The following WNK3 variants were observed in gnomAD, a reference collection of about 807,000 sequenced individuals.
The protein encoded by WNK3 is serine/threonine-protein kinase WNK3.
A neutral mutation model predicts 116.7 loss-of-function variants in WNK3; 18 were observed. The ratio of observed to expected loss-of-function variants is 0.15; its 90% CI spans 0.11 to 0.23. The LOEUF (loss-of-function observed/expected upper bound fraction) is 0.23, where lower values mean the gene tolerates loss of function less well. Among genes scored for constraint, WNK3 ranks in the 10% least tolerant of loss-of-function variants. The probability of loss-of-function intolerance (pLI) is 1.00; values close to 1 mark genes in which losing one functional copy is unlikely to be tolerated. For missense variants in WNK3, 993 were observed against 1,323.8 expected, an observed-to-expected ratio of 0.75 and a Z score of 3.88; for synonymous variants, 404 against 469.4, an observed-to-expected ratio of 0.86 and a Z score of 1.80.
chrX:54,326,178 C>T (rs1337515548), intron 2 of WNK3, among the ~76,000 whole-genome samples: 2 of 107,868 alleles, frequency 1.9e-5, no homozygotes, highest in African/African-American at 6.8e-5. Context: ...GTAAGCTCCG[C>T]CTCCTGGGTT....
chrX:54,326,703 T>C (rs2069109992), intron 2 of WNK3, among the ~76,000 whole-genome samples: 1 of 110,113 alleles, frequency 9.1e-6, no homozygotes, highest in Admixed American at 9.8e-5. Context: ...AAAGAAATTA[T>C]AGCCGGGTGC....
intron 6 of WNK3, among the ~76,000 whole-genome samples, chrX:54,301,157 C>T (rs369437214): frequency 4.8e-5 from 5 of 105,236 alleles, no homozygotes; most frequent in African/African-American, 7.0e-5. Context: ...GCAGGAGAAT[C>T]GCTGGAACCC....
At chrX:54,211,441 CAAAA>C (rs1216024608) in intron 22 of WNK3, among the ~76,000 whole-genome samples, 3 of 50,510 alleles carry the variant, frequency 5.9e-5, no homozygotes, top group African/African-American at 7.4e-5. Flanking sequence ...GACTCTGTCT[CAAAA>C]AAAAAAAAAA....
At chrX:54,250,912 TCGC>T (rs1557154002) in intron 15 of WNK3, among the ~76,000 whole-genome samples, 3 of 111,292 alleles carry the variant, frequency 2.7e-5, no homozygotes. Context: ...ACCCTAGTTT[TCGC>T]TTCTGGAAGT....
chrX:54,246,376 T>C (rs2146916402), intron 17 of WNK3, among the ~76,000 whole-genome samples: 1 of 109,401 alleles, frequency 9.1e-6, no homozygotes, highest in East Asian at 2.9e-4. Flanking sequence ...ACTGAAGACA[T>C]ATCTGAGAAC....
chrX:54,263,349 A>G (rs1265025076), intron 10 of WNK3, among the ~76,000 whole-genome samples: 2 of 112,097 alleles, frequency 1.8e-5, no homozygotes, highest in Non-Finnish European at 3.8e-5. Context: ...TTTGTTGAGT[A>G]CCTATTACAT....
chrX:54,321,342 C>T (rs966034998), intron 2 of WNK3, among the ~76,000 whole-genome samples: 3 of 111,726 alleles, frequency 2.7e-5, no homozygotes, highest in African/African-American at 9.7e-5. Flanking sequence ...ATCTGGCTTA[C>T]CCAAGGTACC....
intron 22 of WNK3, among the ~76,000 whole-genome samples, chrX:54,204,767 G>A (rs1037249087): frequency 1.8e-5 from 2 of 112,243 alleles, no homozygotes; most frequent in Non-Finnish European, 3.8e-5. Context: ...AATGTCAGCA[G>A]GTAGAATTAA....
chrX:54,353,849 C>T (rs1557178926), intron 1 of WNK3, among the ~76,000 whole-genome samples: 1 of 109,941 alleles, frequency 9.1e-6, no homozygotes. Flanking sequence ...TTTGGGAGGC[C>T]GAGGAAGGTG....
chrX:54,300,017 G>A (rs782495696), intron 6 of WNK3, among the ~76,000 whole-genome samples: 1 of 109,763 alleles, frequency 9.1e-6, no homozygotes, highest in Non-Finnish European at 1.9e-5. Context: ...CCACCACCAC[G>A]CCCAGCTAAT....
chrX:54,293,227 T>C lies in WNK3; in HGVS notation c.1794A>G (p.Gln598=), dbSNP rs1052659523. 5 of 1,209,322 alleles carry C rather than the reference T, an allele frequency of 4.1e-6. No individual in the cohort carries two copies. In the African/African-American group the frequency reaches 7.0e-5, roughly 17 times the overall value. Residue 598 remains glutamine, a synonymous_variant, in exon 9 of 24, where the codon CAA becomes CAG. Coordinates refer to ENST00000354646, the Ensembl canonical transcript of WNK3. ...CAGCCTGCGGGATATTAGAAACCATTTGAGAGCCCATCGTTTGATTTGAGG... is the reference window on the plus strand; with the variant it reads ...CAGCCTGCGGGATATTAGAAACCATCTGAGAGCCCATCGTTTGATTTGAGG...
intron 2 of WNK3, among the ~76,000 whole-genome samples, chrX:54,330,641 T>A (rs1365010284): frequency 9.0e-6 from 1 of 111,194 alleles, no homozygotes; most frequent in African/African-American, 3.3e-5. Context: ...ATAGTAGGCA[T>A]CTATTTTAAA....
At chrX:54,322,836 G>T (rs1235938657) in intron 2 of WNK3, among the ~76,000 whole-genome samples, 6 of 111,394 alleles carry the variant, frequency 5.4e-5, no homozygotes, top group Non-Finnish European at 1.1e-4. Context: ...TATGATACCT[G>T]CTATTACTAA....
chrX:54,337,098 C>G (rs1326042254), intron 1 of WNK3, among the ~76,000 whole-genome samples: 2 of 111,075 alleles, frequency 1.8e-5, no homozygotes, highest in African/African-American at 6.5e-5. Flanking sequence ...CCAGTATTCA[C>G]CGACGTTCCC....
At chrX:54,289,356 C>G (rs904225614) in intron 10 of WNK3, among the ~76,000 whole-genome samples, 1 of 110,547 alleles carries the variant, frequency 9.0e-6, no homozygotes, top group African/African-American at 3.3e-5. Context: ...GGGGACATAT[C>G]ACAAAGGGCA....
At chrX:54,252,163 A>G (rs1557154472) in intron 13 of WNK3, among the ~76,000 whole-genome samples, 1 of 111,048 alleles carries the variant, frequency 9.0e-6, no homozygotes, top group African/African-American at 3.3e-5. Flanking sequence ...ATTCACAAAG[A>G]CCAGCAATAA....
chrX:54,238,232 C>CA (rs1160616252), intron 19 of WNK3, 110 bp downstream of exon 19: 756 of 914,092 alleles, frequency 8.3e-4, no homozygotes, highest in Admixed American at 9.9e-4. Flanking sequence ...AACTCCATCT[C>CA]AAAAAAAAAT....
intron 1 of WNK3, among the ~76,000 whole-genome samples, chrX:54,355,394 T>C (rs782422688): frequency 6.9e-4 from 77 of 111,249 alleles, no homozygotes; most frequent in Middle Eastern, 9.2e-3. Context: ...AAAATACCTT[T>C]CCTACCTGCC....
chrX:54,263,048 G>A (rs2068273608), intron 10 of WNK3, among the ~76,000 whole-genome samples: 1 of 110,809 alleles, frequency 9.0e-6, no homozygotes, highest in African/African-American at 3.3e-5. Context: ...GAGGTCTTAT[G>A]TAATGCCAAA....
Sources: allele counts gnomAD v4.1 joint callset (sites outside exome capture counted in the v4.1 genomes callset), GRCh38; gene constraint gnomAD v4.1.1; transcripts MANE v1.5; gene names NCBI Gene and HGNC (gene_info 2026-07-23, HGNC 2026-07-21).